The following CEACAM1 variants were observed in gnomAD, a reference collection of about 807,000 sequenced individuals.
CEACAM1 encodes cell adhesion molecule CEACAM1.
A neutral mutation model predicts 49.1 loss-of-function variants in CEACAM1; 31 were observed. The observed-to-expected ratio is 0.63, with a 90% CI of 0.47 to 0.85. CEACAM1 has a LOEUF of 0.85. Ranked by LOEUF, CEACAM1 falls within the 40% of genes least tolerant of loss-of-function variation. CEACAM1 has a pLI of 0.00. For synonymous variants in CEACAM1, 244 were observed against 247.8 expected (o/e 0.98, Z 0.14); for missense variants, 570 against 645.3 (o/e 0.88, Z 1.26).
intron 5 of CEACAM1, among the ~76,000 whole-genome samples, chr19:42,514,359 G>A (rs1467387794): frequency 3.3e-5 from 5 of 151,892 alleles, no homozygotes; most frequent in African/African-American, 9.7e-5. Context: ...TTGAACTCCC[G>A]ACCTCAGGTG....
At chr19:42,521,615 G>A in intron 3 of CEACAM1, 94 bp from the exon 4 acceptor site, 1 of 1,547,824 alleles carries the variant, frequency 6.5e-7, no homozygotes, top group East Asian at 2.2e-5. Context: ...TCTCTACTAA[G>A]TCACAACCCT....
chr19:42,528,008 T>G (rs2041938821), intron 1 of CEACAM1, among the ~76,000 whole-genome samples: 1 of 152,234 alleles, frequency 6.6e-6, no homozygotes, highest in Non-Finnish European at 1.5e-5. Context: ...TAATGCCCCT[T>G]TTAAAATGTT....
intron 5 of CEACAM1, among the ~76,000 whole-genome samples, chr19:42,513,504 G>A (rs1428248418): frequency 1.3e-5 from 2 of 151,786 alleles, no homozygotes; most frequent in Non-Finnish European, 2.9e-5. Flanking sequence ...GGCTGAGGCA[G>A]GAGAATCGCT....
chr19:42,514,148 T>C (rs1361365138), intron 5 of CEACAM1, among the ~76,000 whole-genome samples: 6 of 149,322 alleles, frequency 4.0e-5, no homozygotes, highest in Admixed American at 4.0e-4. Flanking sequence ...TTTTTTTTTT[T>C]GAGACCGAGT....
At position 42,507,632 on chromosome 19, in the gene CEACAM1, TC is replaced by T. The variant is rs2147759703; in HGVS notation, c.*1476del. ...CATTTGCCTGTCTTCCTCCTGTCCT[TC>T]CTTTTTATTATAAGATACATTTATA... is the stretch of plus-strand genomic sequence containing the variant. On this transcript the variant is annotated 3_prime_UTR_variant, in exon 9 of 9. Transcript: ENST00000161559. The T allele has an allele frequency of 6.6e-6, 1 of 152,318 alleles. No individual in the cohort carries two copies. Among genetic ancestry groups the T allele is most frequent in the East Asian group, 1.9e-4 (1 of 5,186 alleles). 9.4% of individuals were successfully genotyped at this position (152,318 alleles called of 1,614,324 possible). A position where few individuals can be genotyped will look rare whatever the true frequency, so the allele number is the denominator to read the frequency against.
At chr19:42,519,914 G>A (rs1488167705) in intron 4 of CEACAM1, among the ~76,000 whole-genome samples, 2 of 152,112 alleles carry the variant, frequency 1.3e-5, no homozygotes, top group African/African-American at 4.8e-5. Context: ...TCCTTCCTGT[G>A]ACTGTCACTT....
chr19:42,515,560 G>T (rs186449857), intron 5 of CEACAM1, among the ~76,000 whole-genome samples: 12 of 151,940 alleles, frequency 7.9e-5, no homozygotes, highest in African/African-American at 2.4e-4. Context: ...TGTAGTTTCA[G>T]CTACCCAGGA....
At chr19:42,511,456 G>C in intron 7 of CEACAM1, 120 bp downstream of exon 7, 2 of 866,694 alleles carry the variant, frequency 2.3e-6, no homozygotes, top group Non-Finnish European at 3.9e-6. Flanking sequence ...TTGGGAAATA[G>C]AGATCCTTTC....
At chr19:42,512,909 G>A (rs1338395368) in intron 5 of CEACAM1, among the ~76,000 whole-genome samples, 3 of 151,958 alleles carry the variant, frequency 2.0e-5, no homozygotes, top group South Asian at 2.1e-4. Context: ...CTCATGATCC[G>A]CCTGCCTCGG....
At chr19:42,526,487 T>A (rs2041894303) in intron 2 of CEACAM1, among the ~76,000 whole-genome samples, 1 of 152,194 alleles carries the variant, frequency 6.6e-6, no homozygotes, top group Non-Finnish European at 1.5e-5. Context: ...CTTGCCCAAA[T>A]GAGGCTCTAG....
Position 42,519,105 on chromosome 19 carries a change from G to A in CEACAM1, c.1089C>T (p.Asn363=). 1 of 1,614,180 alleles carries A rather than the reference G, an allele frequency of 6.2e-7. No homozygotes were observed. The highest frequency in any genetic ancestry group is 8.5e-7 in the Non-Finnish European group (1 of 1,180,034). The part of the protein sequence containing the change: ...TGISIRWFFK[N]QSLPSSERMK... ...TCCTCTCCGAGGACGGGAGACTCTG[G>A]TTTTTGAAGAACCAACGGATGGAGA... Residue 363 remains asparagine, a synonymous_variant, in exon 5 of 9, where the codon AAC becomes AAT. Coordinates refer to ENST00000161559, the MANE Select transcript of CEACAM1 (RefSeq NM_001712.5).
chr19:42,517,246 C>A (rs1269108573), intron 5 of CEACAM1, among the ~76,000 whole-genome samples: 1 of 152,132 alleles, frequency 6.6e-6, no homozygotes, highest in African/African-American at 2.4e-5. Flanking sequence ...AGAGTGAAAA[C>A]TTTGGAACAT....
intron 7 of CEACAM1, chr19:42,511,183 A>G: frequency 1.7e-6 from 1 of 582,758 alleles, no homozygotes; most frequent in Non-Finnish European, 3.1e-6. Flanking sequence ...GTTTCTCAGC[A>G]ACATGCTCCA....
intron 5 of CEACAM1, chr19:42,516,868 A>G (rs1334013894): frequency 2.4e-5 from 10 of 422,128 alleles, no homozygotes; most frequent in Non-Finnish European, 3.7e-5. Flanking sequence ...CGCCATCTCT[A>G]CAAAGAAAAG....
chr19:42,510,948 T>C, intron 7 of CEACAM1, 28 bp from the exon 8 acceptor site: 2 of 1,612,624 alleles, frequency 1.2e-6, no homozygotes, highest in Non-Finnish European at 1.7e-6. Context: ...GAGTTAGCGA[T>C]CCATGGAAAT....
In CEACAM1 at chr19:42,522,122, G is replaced by A. The variant is rs2041766377; in HGVS notation, c.505C>T (p.Pro169Ser). 1.2e-6 allele frequency: 2 copies of A among 1,614,202 alleles called. No homozygotes were observed. The highest frequency in any genetic ancestry group is 8.5e-7 in the Non-Finnish European group (1 of 1,180,042). The stretch of plus-strand genomic sequence containing the variant: ...AGGTAGGTTGTGTCCTGAGTCTCAG[G>A]TTCACAGGTGAAGGCCACAGCATCC... ...DKDAVAFTCE[P>S]ETQDTTYLWW... The change falls in exon 3 of 9, where the codon CCT becomes TCT. Residue 169 changes from proline to serine, a missense_variant. Transcript: ENST00000161559.
intron 2 of CEACAM1, among the ~76,000 whole-genome samples, chr19:42,525,371 C>T (rs368445783): frequency 2.0e-5 from 3 of 151,782 alleles, no homozygotes; most frequent in Non-Finnish European, 4.4e-5. Flanking sequence ...ATTAGAGGCA[C>T]GCACCACCAT....
At chr19:42,525,224 AT>A (rs538996240) in intron 2 of CEACAM1, among the ~76,000 whole-genome samples, 15,855 of 130,958 alleles carry the variant, frequency 0.12, 931 homozygotes, top group Middle Eastern at 0.21. Flanking sequence ...AGGCCTGAAC[AT>A]TTTTTTTTTT....
At chr19:42,528,203 T>G (rs1299601668) in intron 1 of CEACAM1, 108 bp downstream of exon 1, 15 of 896,798 alleles carry the variant, frequency 1.7e-5, no homozygotes, top group Non-Finnish European at 2.6e-5. Flanking sequence ...CCTATTTGGC[T>G]CCAAGAGAAG....
Sources: gnomAD v4.1 joint callset for allele counts (sites outside exome capture counted in the v4.1 genomes callset) on GRCh38, gnomAD v4.1.1 for gene constraint, MANE v1.5 for transcripts, NCBI Gene and HGNC (gene_info 2026-07-23, HGNC 2026-07-21) for gene names.